CTNNA2: variants seen among roughly 807,000 people sequenced by gnomAD.
CTNNA2 encodes the protein catenin alpha 2.
A neutral mutation model predicts 101.0 loss-of-function variants in CTNNA2; 42 were observed. The ratio of observed to expected loss-of-function variants is 0.42; its 90% CI spans 0.32 to 0.54. The LOEUF is 0.54. Among genes scored for constraint, CTNNA2 ranks in the 20% least tolerant of loss-of-function variants. CTNNA2 has a pLI of 0.14. For missense variants in CTNNA2, 871 were observed against 1,223.1 expected (o/e 0.71, Z 4.29); for synonymous variants, 450 against 456.4 (o/e 0.99, Z 0.18).
At chr2:79,589,418 A>G (rs1676701036) in intron 1 of CTNNA2, among the ~76,000 whole-genome samples, 1 of 152,170 alleles carries the variant, frequency 6.6e-6, no homozygotes, top group Non-Finnish European at 1.5e-5. Context: ...TCTAAATCTT[A>G]CCTTTATATA....
At chr2:80,563,675 G>C (rs556698004) in intron 12 of CTNNA2, among the ~76,000 whole-genome samples, 1 of 152,036 alleles carries the variant, frequency 6.6e-6, no homozygotes, top group Non-Finnish European at 1.5e-5. Context: ...ATCCCACTTG[G>C]CTCCTGGTTT....
intron 7 of CTNNA2, among the ~76,000 whole-genome samples, chr2:79,962,467 C>G (rs1461337995): frequency 6.6e-6 from 1 of 152,210 alleles, no homozygotes; most frequent in Non-Finnish European, 1.5e-5. Flanking sequence ...CAGACCATAG[C>G]AGGTGCATTT....
rs1279759232 is a variant in CTNNA2 at position 80,611,767 on chromosome 2, A to G, written c.2430+3449A>G. Among the ~76,000 whole-genome samples, 3 of 151,632 alleles carry G rather than the reference A, an allele frequency of 2.0e-5. No individual in the cohort carries two copies. The East Asian group carries it at 5.8e-4, about 29-fold the overall frequency. ...TTTTAAATTAGCATACTGAATATCA[A>G]ACATTCTGATAAACCTAATAAAGCC... On this transcript the variant is annotated intron_variant, in intron 17 of 18. Coordinates refer to ENST00000402739, the MANE Select transcript of CTNNA2 (RefSeq NM_001282597.3).
chr2:80,134,781 A>C (rs1367216820), intron 7 of CTNNA2, among the ~76,000 whole-genome samples: 1 of 152,184 alleles, frequency 6.6e-6, no homozygotes, highest in East Asian at 1.9e-4. Context: ...TCTTCCCCGA[A>C]AGAGTTTACA....
intron 4 of CTNNA2, among the ~76,000 whole-genome samples, chr2:79,393,652 G>A (rs1678198779): frequency 7.0e-6 from 1 of 142,648 alleles, no homozygotes; most frequent in Non-Finnish European, 1.5e-5. Flanking sequence ...AAAAAAAGCT[G>A]CTCTCCGAAG....
chr2:80,318,899 A>G (rs35828705), intron 7 of CTNNA2, among the ~76,000 whole-genome samples: 9 of 152,170 alleles, frequency 5.9e-5, no homozygotes, highest in Non-Finnish European at 1.2e-4. Flanking sequence ...CCCTTACACT[A>G]GACAGTCAAC....
At chr2:80,528,363 A>AT (rs1316540821) in intron 9 of CTNNA2, among the ~76,000 whole-genome samples, 1 of 151,902 alleles carries the variant, frequency 6.6e-6, no homozygotes, top group East Asian at 1.9e-4. Context: ...TGCCTGGCTA[A>AT]TTTTTTGTAT....
chr2:79,371,865 C>T (rs1277105159), intron 3 of CTNNA2, among the ~76,000 whole-genome samples: 1 of 152,116 alleles, frequency 6.6e-6, no homozygotes, highest in African/African-American at 2.4e-5. Flanking sequence ...GATCCTGGTG[C>T]TAGGGAATAG....
chr2:80,250,070 G>A lies in CTNNA2; in HGVS notation c.1057-143141G>A, dbSNP rs116153159. On this transcript the variant is annotated intron_variant, in intron 7 of 18. Coordinates refer to ENST00000402739, the MANE Select transcript of CTNNA2 (RefSeq NM_001282597.3). ...CATTTGCTTCTTGTTTCTTTGCCTC[G>A]CCCCCTTTCTTAGGCCCTGTGTCTT... Among the ~76,000 whole-genome samples, 695 of 151,784 alleles carry A rather than the reference G, an allele frequency of 4.6e-3. 3 individuals are homozygous for A. Among genetic ancestry groups the A allele is most frequent in the African/African-American group, 0.016 (653 of 41,372 alleles).
intron 3 of CTNNA2, among the ~76,000 whole-genome samples, chr2:79,842,197 G>A (rs2103849215): frequency 6.6e-6 from 1 of 152,112 alleles, no homozygotes; most frequent in African/African-American, 2.4e-5. Flanking sequence ...TACTATTTTT[G>A]TTGGCATATA....
At chr2:80,038,537 A>G (rs540364054) in intron 7 of CTNNA2, among the ~76,000 whole-genome samples, 1 of 152,112 alleles carries the variant, frequency 6.6e-6, no homozygotes, top group Non-Finnish European at 1.5e-5. Context: ...CCTGGGCAAC[A>G]TGGTGAAACC....
chr2:80,452,078 C>T (rs1209969779), intron 9 of CTNNA2, among the ~76,000 whole-genome samples: 1 of 152,152 alleles, frequency 6.6e-6, no homozygotes, highest in Admixed American at 6.5e-5. Flanking sequence ...GTCCCTGGCA[C>T]TATACCAAGA....
chr2:79,239,796 C>G (rs553605895), intron 2 of CTNNA2, among the ~76,000 whole-genome samples: 1 of 152,244 alleles, frequency 6.6e-6, no homozygotes, highest in Non-Finnish European at 1.5e-5. Context: ...GCAATCTATC[C>G]ATCTGACAAA....
intron 4 of CTNNA2, among the ~76,000 whole-genome samples, chr2:79,466,389 A>G (rs1203814198): frequency 1.3e-5 from 2 of 152,190 alleles, no homozygotes. Flanking sequence ...GGAAGCTCGA[A>G]CTGGGTGGAG....
At chr2:79,426,396 C>T (rs1480275740) in intron 4 of CTNNA2, among the ~76,000 whole-genome samples, 1 of 152,084 alleles carries the variant, frequency 6.6e-6, no homozygotes, top group Non-Finnish European at 1.5e-5. Flanking sequence ...TTGTGTAGGG[C>T]ATGCTTTGAT....
intron 7 of CTNNA2, among the ~76,000 whole-genome samples, chr2:79,991,262 AG>A (rs1558706611): frequency 6.6e-6 from 1 of 152,148 alleles, no homozygotes; most frequent in East Asian, 1.9e-4. Flanking sequence ...TAGTACTTAG[AG>A]TCTCCTCATT....
intron 9 of CTNNA2, among the ~76,000 whole-genome samples, chr2:80,510,988 A>C (rs1156355755): frequency 6.6e-6 from 1 of 152,164 alleles, no homozygotes; most frequent in Non-Finnish European, 1.5e-5. Context: ...TTCCCAGGGT[A>C]CTTGCACTTT....
At chr2:80,540,457 C>T (rs764776502) in intron 9 of CTNNA2, among the ~76,000 whole-genome samples, 11 of 151,826 alleles carry the variant, frequency 7.2e-5, no homozygotes, top group African/African-American at 2.4e-4. Flanking sequence ...ATTAGCCAGG[C>T]GTAGTGTTGG....
chr2:80,507,178 T>C (rs1688343113), intron 9 of CTNNA2, among the ~76,000 whole-genome samples: 1 of 152,188 alleles, frequency 6.6e-6, no homozygotes, highest in South Asian at 2.1e-4. Context: ...ATAACAATAG[T>C]ATGTACCTCA....
Sources: gnomAD v4.1 joint callset for allele counts (sites outside exome capture counted in the v4.1 genomes callset) on GRCh38, gnomAD v4.1.1 for gene constraint, MANE v1.5 for transcripts, NCBI Gene and HGNC (gene_info 2026-07-23, HGNC 2026-07-21) for gene names.